DENND5B: variants seen among roughly 807,000 people sequenced by gnomAD.
The protein encoded by DENND5B is DENN domain containing 5B.
DENND5B carries 34 observed loss-of-function variants against 140.6 expected under a neutral mutation model. The observed-to-expected ratio is 0.24, with a 90% CI of 0.18 to 0.32. DENND5B has a LOEUF of 0.32. Ranked by LOEUF, DENND5B falls within the 10% of genes least tolerant of loss-of-function variation. The pLI is 1.00. For missense variants in DENND5B, 1,142 were observed against 1,560.2 expected (o/e 0.73, Z 4.52); for synonymous variants, 551 against 562.1 (o/e 0.98, Z 0.28).
At position 31,387,791 on chromosome 12, in the gene DENND5B, A is replaced by G. The variant is rs1436895790; in HGVS notation, c.3642-5T>C. The G allele has an allele frequency of 6.2e-7, 1 of 1,610,280 alleles. No homozygotes were observed. Among genetic ancestry groups the G allele is most frequent in the Non-Finnish European group, 8.5e-7 (1 of 1,177,772 alleles). ...CACTGTGGGAGCAGGCGATCCCTAC[A>G]GACCCAAACAGAAACAATTCCTGAG... On this transcript the variant is annotated splice_polypyrimidine_tract_variant and splice_region_variant and intron_variant, in intron 20 of 20. Transcript: ENST00000389082.
At chr12:31,588,799 A>G (rs1441279533) in intron 1 of DENND5B, among the ~76,000 whole-genome samples, 1 of 152,310 alleles carries the variant, frequency 6.6e-6, no homozygotes, top group East Asian at 1.9e-4. Flanking sequence ...CTTTCTTCAC[A>G]GCTGTCCCCA....
intron 15 of DENND5B, among the ~76,000 whole-genome samples, chr12:31,400,807 T>G (rs1483535979): frequency 2.0e-5 from 3 of 151,906 alleles, no homozygotes; most frequent in Non-Finnish European, 2.9e-5. Context: ...TCTTATTCAC[T>G]CTATTTTTTT....
chr12:31,389,525 A>C, intron 19 of DENND5B, 27 bp from the exon 20 acceptor site: 1 of 1,552,336 alleles, frequency 6.4e-7, no homozygotes, highest in Non-Finnish European at 8.7e-7. Flanking sequence ...GAATTATGTC[A>C]CAATATGTGT....
In DENND5B at chr12:31,386,698, T is replaced by A. The variant is rs1256745630; in HGVS notation, c.*905A>T. ...CTAACAAAGACAGGGCTCATGGTTA[T>A]CCTTAAGAGGTAGACCACTGCACAG... On this transcript the variant is annotated 3_prime_UTR_variant, in exon 21 of 21. Coordinates refer to ENST00000389082, the MANE Select transcript of DENND5B (RefSeq NM_144973.4). The A allele has an allele frequency of 6.6e-6, 1 of 152,198 alleles. No homozygotes were observed. Among genetic ancestry groups the A allele is most frequent in the Admixed American group, 6.5e-5 (1 of 15,274 alleles). The allele number at this position is 152,198 out of a possible 1,614,324, so 9.4% of individuals were successfully genotyped here.
intron 1 of DENND5B, chr12:31,499,586 G>T: frequency 6.8e-7 from 1 of 1,477,604 alleles, no homozygotes; most frequent in Non-Finnish European, 8.9e-7. Context: ...GCCCATCCTT[G>T]TTCTTAATTT....
At chr12:31,388,025 A>C (rs1565530677) in intron 20 of DENND5B, among the ~76,000 whole-genome samples, 2 of 152,164 alleles carry the variant, frequency 1.3e-5, no homozygotes, top group Non-Finnish European at 2.9e-5. Flanking sequence ...AACCCAATTT[A>C]ATGTACTTTA....
rs569914731 is a variant in DENND5B, at chr12:31,583,111, G to A, written c.127+7595C>T. ...GTTTTAGATAAGCGTGATCAACATG[G>A]TGAAACCCCATCTCTACTAAAAATA... is the stretch of plus-strand genomic sequence containing the variant. On this transcript the variant is annotated intron_variant, in intron 1 of 20. Coordinates refer to ENST00000389082, the MANE Select transcript of DENND5B (RefSeq NM_144973.4). Among the ~76,000 whole-genome samples the A allele has an allele frequency of 3.9e-5, 6 of 152,088 alleles. No homozygotes were observed. In the South Asian group the frequency reaches 1.0e-3, roughly 26 times the overall value.
chr12:31,408,998 A>G (rs754602597), intron 14 of DENND5B, among the ~76,000 whole-genome samples: 9 of 152,210 alleles, frequency 5.9e-5, no homozygotes, highest in Non-Finnish European at 8.8e-5. Context: ...CCCTTTGTTC[A>G]GTCATGGGAT....
chr12:31,511,378 T>C (rs889422397), intron 1 of DENND5B, among the ~76,000 whole-genome samples: 4 of 152,202 alleles, frequency 2.6e-5, no homozygotes, highest in African/African-American at 9.7e-5. Flanking sequence ...TTTTAAAAAT[T>C]CCATAGCTTA....
intron 1 of DENND5B, chr12:31,499,804 T>C: frequency 1.6e-6 from 1 of 611,798 alleles, no homozygotes; most frequent in Non-Finnish European, 2.5e-6. Context: ...AACATTAGAA[T>C]GTAGCTTAAC....
At chr12:31,527,771 C>A (rs1161437566) in intron 1 of DENND5B, among the ~76,000 whole-genome samples, 1 of 151,616 alleles carries the variant, frequency 6.6e-6, no homozygotes, top group Non-Finnish European at 1.5e-5. Flanking sequence ...GAGCAAGACT[C>A]CATTTGGGGA....
At chr12:31,505,174 T>C (rs1306298092) in intron 1 of DENND5B, among the ~76,000 whole-genome samples, 3 of 152,154 alleles carry the variant, frequency 2.0e-5, no homozygotes, top group African/African-American at 4.8e-5. Flanking sequence ...TTGGTAACTG[T>C]CTACATTGCT....
chr12:31,440,153 C>G (rs1240938046), intron 7 of DENND5B, among the ~76,000 whole-genome samples: 2 of 152,060 alleles, frequency 1.3e-5, no homozygotes, highest in Non-Finnish European at 2.9e-5. Flanking sequence ...TGAACCCTCA[C>G]AACCATCAGT....
At chr12:31,445,171 G>T (rs1944222722) in intron 6 of DENND5B, among the ~76,000 whole-genome samples, 1 of 152,196 alleles carries the variant, frequency 6.6e-6, no homozygotes, top group Non-Finnish European at 1.5e-5. Context: ...ATCTGGCAAA[G>T]AACAGGTTAA....
intron 1 of DENND5B, among the ~76,000 whole-genome samples, chr12:31,519,159 T>C (rs1281423690): frequency 6.6e-6 from 1 of 152,240 alleles, no homozygotes; most frequent in African/African-American, 2.4e-5. Context: ...ATTTGCTCTA[T>C]TTCTTTCTTT....
In DENND5B at chr12:31,447,693, G is replaced by T; in HGVS notation, c.1706C>A (p.Thr569Asn). 2 of 1,612,714 alleles carry T rather than the reference G, an allele frequency of 1.2e-6. No individual in the cohort carries two copies. The highest frequency in any genetic ancestry group is 1.7e-6 in the Non-Finnish European group (2 of 1,179,398). Residue 569 changes from threonine to asparagine, a missense_variant, in exon 6 of 21, where the codon ACC becomes AAC. By Grantham distance (65) the Thr-to-Asn change is moderately conservative (BLOSUM62 0). Transcript: ENST00000389082. ...SRFIETQMFA[T>N]FIDNKIMSQW... The stretch of plus-strand genomic sequence containing the variant: ...AGACATAATTTTATTATCAATAAAG[G>T]TGGCAAACATCTGTGTTTCAATGAA...
At chr12:31,463,832 A>AT (rs941649739) in intron 3 of DENND5B, among the ~76,000 whole-genome samples, 1 of 151,920 alleles carries the variant, frequency 6.6e-6, no homozygotes, top group Non-Finnish European at 1.5e-5. Flanking sequence ...CACCTGGCTA[A>AT]TTTTTTTGGA....
intron 1 of DENND5B, among the ~76,000 whole-genome samples, chr12:31,540,298 C>T (rs934760189): frequency 6.6e-6 from 1 of 152,112 alleles, no homozygotes; most frequent in Non-Finnish European, 1.5e-5. Flanking sequence ...CTCCCCAAAG[C>T]AATCTACAGA....
chr12:31,405,302 C>T (rs1942061209), intron 14 of DENND5B, among the ~76,000 whole-genome samples: 1 of 151,460 alleles, frequency 6.6e-6, no homozygotes, highest in Non-Finnish European at 1.5e-5. Context: ...CTGCAATCTC[C>T]ACCTCCTGGG....
Sources: gnomAD v4.1 joint callset for allele counts (sites outside exome capture counted in the v4.1 genomes callset) on GRCh38, gnomAD v4.1.1 for gene constraint, MANE v1.5 for transcripts, NCBI Gene and HGNC (gene_info 2026-07-23, HGNC 2026-07-21) for gene names.